Variants in SCUBE1 observed in about 807,000 individuals in gnomAD.
SCUBE1 encodes the protein signal peptide, CUB and EGF-like domain-containing protein 1.
A neutral mutation model predicts 124.4 loss-of-function variants in SCUBE1; 59 were observed. The observed-to-expected ratio is 0.47, with a 90% confidence interval of 0.38 to 0.59. The LOEUF is 0.59. SCUBE1 is among the 20% of genes least tolerant of loss of function. The pLI is 0.00. For synonymous variants in SCUBE1, 545 were observed against 550.9 expected (o/e 0.99, Z 0.15); for missense variants, 1,150 against 1,371.2 (o/e 0.84, Z 2.55).
In SCUBE1 at chr22:43,206,196, TACACCCCACACACACCCACTCAACAC is replaced by T. The variant is rs1400730343; in HGVS notation, c.2814+1312_2814+1337del. Among the ~76,000 whole-genome samples, 134 of 41,192 alleles carry T rather than the reference TACACCCCACACACACCCACTCAACAC, an allele frequency of 3.3e-3. 1 individual carries two copies. The highest frequency in any genetic ancestry group is 0.043 in the Middle Eastern group (2 of 46). 27.0% of individuals were successfully genotyped at this position (41,192 alleles called of 152,430 possible). The stretch of plus-strand genomic sequence containing the variant: ...ACACACCCACCACACCCCCACTCAC[TACACCCCACACACACCCACTCAACAC>T]ACACCCCTACACACCCAGCACACAC... On this transcript the variant is annotated intron_variant, in intron 21 of 21. Coordinates refer to ENST00000360835, the MANE Select transcript of SCUBE1 (RefSeq NM_173050.5).
chr22:43,280,492 C>CTT (rs767871082), intron 4 of SCUBE1, among the ~76,000 whole-genome samples: 4 of 42,108 alleles, frequency 9.5e-5, no homozygotes, highest in African/African-American at 7.6e-4. Context: ...CTCACCCATC[C>CTT]CCGTCCCTTC....
In SCUBE1 at chr22:43,211,214, C is replaced by T. The variant is rs1921537897; in HGVS notation, c.2222-131G>A. ...GCACAGAGTTCAAGGCTCCTCCCCACCGCCCCATGACCTCCCACCACCCTC... is the reference window on the plus strand; with the variant it reads ...GCACAGAGTTCAAGGCTCCTCCCCATCGCCCCATGACCTCCCACCACCCTC... On this transcript the variant is annotated intron_variant, in intron 17 of 21. Coordinates refer to ENST00000360835, the MANE Select transcript of SCUBE1 (RefSeq NM_173050.5). This position sits in a 1 kb window ranked among gnomAD's most constrained non-coding sequence, Gnocchi z 4.5. 4 of 916,370 alleles carry T rather than the reference C, an allele frequency of 4.4e-6. No individual in the cohort carries two copies. The highest frequency in any genetic ancestry group is 4.8e-5 in the Admixed American group (2 of 41,886). 56.8% of individuals were successfully genotyped at this position (916,370 alleles called of 1,614,324 possible).
intron 3 of SCUBE1, among the ~76,000 whole-genome samples, chr22:43,310,739 G>C (rs766241044): frequency 1.3e-5 from 2 of 152,200 alleles, no homozygotes; most frequent in South Asian, 4.1e-4. Context: ...GTACATATTT[G>C]TGGGGGACAT....
At position 43,342,821 on chromosome 22, in the gene SCUBE1, C is replaced by G. The variant is rs529170505; in HGVS notation, c.88+353G>C. Among the ~76,000 whole-genome samples, 178 of 151,926 alleles carry G rather than the reference C, an allele frequency of 1.2e-3. 4 individuals are homozygous for G. The highest frequency in any genetic ancestry group is 5.7e-3 in the Admixed American group (87 of 15,286). ...CTCCGCCCGCCCCGCCCCGCGCCCC[C>G]TCTCCCAGGAGGAGCGCCCCTCTGC... On this transcript the variant is annotated intron_variant, in intron 1 of 21. Coordinates refer to ENST00000360835, the MANE Select transcript of SCUBE1 (RefSeq NM_173050.5).
At chr22:43,249,911 C>T (rs1923373762) in intron 6 of SCUBE1, among the ~76,000 whole-genome samples, 2 of 152,240 alleles carry the variant, frequency 1.3e-5, no homozygotes, top group South Asian at 4.1e-4. Flanking sequence ...GCCCTGCCTG[C>T]TCACCTGCAG....
At chr22:43,270,940 C>T (rs1256174172) in intron 4 of SCUBE1, among the ~76,000 whole-genome samples, 2 of 152,184 alleles carry the variant, frequency 1.3e-5, no homozygotes, top group Non-Finnish European at 2.9e-5. Flanking sequence ...CCCCTGCCAC[C>T]TGCCTCTCCA....
At chr22:43,244,750 G>T (rs894883595) in intron 6 of SCUBE1, among the ~76,000 whole-genome samples, 7 of 152,254 alleles carry the variant, frequency 4.6e-5, no homozygotes, top group African/African-American at 1.7e-4. Flanking sequence ...CATCGCTGAG[G>T]TGCTTTTCAC....
intron 2 of SCUBE1, among the ~76,000 whole-genome samples, chr22:43,333,741 C>T (rs891510558): frequency 2.0e-5 from 3 of 152,184 alleles, no homozygotes; most frequent in East Asian, 1.9e-4. Flanking sequence ...TCGGAACTGC[C>T]GGTTTGGGGC....
chr22:43,315,454 G>A (rs1173696009), intron 3 of SCUBE1, among the ~76,000 whole-genome samples: 1 of 152,254 alleles, frequency 6.6e-6, no homozygotes, highest in African/African-American at 2.4e-5. Flanking sequence ...CCTAGAGTAC[G>A]AGGTACTCCA....
chr22:43,239,515 A>G (rs1026139118), intron 6 of SCUBE1, among the ~76,000 whole-genome samples: 1 of 152,276 alleles, frequency 6.6e-6, no homozygotes, highest in African/African-American at 2.4e-5. Context: ...GTGATATGCC[A>G]AAGGCATCTG....
At chr22:43,259,704 G>A (rs1923801807) in intron 5 of SCUBE1, among the ~76,000 whole-genome samples, 1 of 152,218 alleles carries the variant, frequency 6.6e-6, no homozygotes, top group Non-Finnish European at 1.5e-5. Context: ...GGGGACAGGT[G>A]TCTGCTCAGT....
chr22:43,325,072 C>T (rs1028779495), intron 2 of SCUBE1, among the ~76,000 whole-genome samples: 25 of 151,174 alleles, frequency 1.7e-4, no homozygotes, highest in African/African-American at 6.1e-4. Context: ...GAGAAGGCAG[C>T]CGTGGGATGA....
At chr22:43,293,386 G>A (rs1048946393) in intron 3 of SCUBE1, among the ~76,000 whole-genome samples, 1 of 152,266 alleles carries the variant, frequency 6.6e-6, no homozygotes, top group African/African-American at 2.4e-5. Flanking sequence ...ACACCAGAGT[G>A]AAGGCGGGAC....
chr22:43,230,674 T>C (rs1569502519), intron 8 of SCUBE1, among the ~76,000 whole-genome samples: 2 of 152,186 alleles, frequency 1.3e-5, no homozygotes, highest in African/African-American at 4.8e-5. Flanking sequence ...CCTCAGGCCC[T>C]GAGGAGAAGA....
chr22:43,263,532 G>C (rs1923950809), intron 4 of SCUBE1, among the ~76,000 whole-genome samples: 1 of 152,212 alleles, frequency 6.6e-6, no homozygotes, highest in Non-Finnish European at 1.5e-5. Context: ...AGTGAAGGCT[G>C]CAGACGGCGA....
At chr22:43,301,558 G>A (rs1925772674) in intron 3 of SCUBE1, among the ~76,000 whole-genome samples, 1 of 152,124 alleles carries the variant, frequency 6.6e-6, no homozygotes, top group South Asian at 2.1e-4. Flanking sequence ...TCAGACCTCA[G>A]CTCACGTGCC....
chr22:43,326,233 A>T (rs1314357268), intron 2 of SCUBE1, among the ~76,000 whole-genome samples: 1 of 152,124 alleles, frequency 6.6e-6, no homozygotes, highest in East Asian at 1.9e-4. Flanking sequence ...AACAGTGGAG[A>T]CCAAACGCTC....
Position 43,198,569 on chromosome 22 carries a change from A to G in SCUBE1, c.*5428T>C. ...TGCTCTCTCTCCACATCCTCACTCC[A>G]CCCCTCATTACATCCTCTGCCCTTG... On this transcript the variant is annotated 3_prime_UTR_variant, in exon 22 of 22. Transcript: ENST00000360835. 1 of 456,392 alleles carries G rather than the reference A, an allele frequency of 2.2e-6. No homozygotes were observed. The highest frequency in any genetic ancestry group is 4.4e-6 in the Non-Finnish European group (1 of 226,920). The allele number at this position is 456,392 out of a possible 1,614,324, so 28.3% of individuals were successfully genotyped here. A position where few individuals can be genotyped will look rare whatever the true frequency, so the allele number is the denominator to read the frequency against.
In SCUBE1 at chr22:43,222,725, C is replaced by T. The variant is rs769603113; in HGVS notation, c.1345G>A (p.Val449Ile). The T allele has an allele frequency of 1.3e-5, 21 of 1,603,106 alleles. No homozygotes were observed. The East Asian group carries it at 2.0e-4, about 15-fold the overall frequency. Residue 449 changes from valine to isoleucine, a missense_variant, in exon 12 of 22, where the codon GTC becomes ATC. This residue lies in a region of SCUBE1 where 757 missense variants were observed against 840.9 expected (regional missense o/e 0.90). Coordinates refer to ENST00000360835, the MANE Select transcript of SCUBE1 (RefSeq NM_173050.5). ...GGCCCTGGAACTCCGCAGCTCAGGACGTAGCTATTTTCCGAGTCTGCAGAG... is the reference window on the plus strand; with the variant it reads ...GGCCCTGGAACTCCGCAGCTCAGGATGTAGCTATTTTCCGAGTCTGCAGAG... Reference protein sequence around the residue: ...LFVPDSENSYVLSCGVPGPQG... With the variant: ...LFVPDSENSYILSCGVPGPQG...
Sources: allele counts gnomAD v4.1 joint callset (sites outside exome capture counted in the v4.1 genomes callset), GRCh38; gene constraint gnomAD v4.1.1; regional missense constraint gnomAD v4.1.1; non-coding constraint Gnocchi (gnomAD v3.1); transcripts MANE v1.5; gene names NCBI Gene and HGNC (gene_info 2026-07-23, HGNC 2026-07-21).